Variants in EYS observed in about 807,000 individuals in gnomAD.
EYS encodes the protein EGF-like photoreceptor maintenance factor.
Under a neutral mutation model 282.1 loss-of-function variants are expected in EYS, and 250 were observed. That is an observed-to-expected ratio of 0.89 (90% CI 0.80 to 0.98). The LOEUF (loss-of-function observed/expected upper bound fraction) is 0.98, where lower values mean the gene tolerates loss of function less well. Ranked by LOEUF, EYS falls within the 50% of genes least tolerant of loss-of-function variation. The pLI, the probability that EYS is intolerant of heterozygous loss-of-function variation, is 0.00. For missense variants in EYS, 4,016 were observed against 3,709.0 expected, an observed-to-expected ratio of 1.08 and a Z score of -2.15; for synonymous variants, 1,355 against 1,282.9, an observed-to-expected ratio of 1.06 and a Z score of -1.20.
At chr6:63,990,065 C>T (rs1200087998) in intron 34 of EYS, among the ~76,000 whole-genome samples, 1 of 151,388 alleles carries the variant, frequency 6.6e-6, no homozygotes, top group East Asian at 1.9e-4. Context: ...AACTGAGTTG[C>T]TACTTTGTGA....
At chr6:65,172,725 A>G (rs1314861818) in intron 12 of EYS, among the ~76,000 whole-genome samples, 1 of 151,390 alleles carries the variant, frequency 6.6e-6, no homozygotes, top group Admixed American at 6.6e-5. Flanking sequence ...AAACTTGTTT[A>G]GGAAAAATGA....
chr6:65,168,939 T>G (rs902900918), intron 12 of EYS, among the ~76,000 whole-genome samples: 4 of 151,334 alleles, frequency 2.6e-5, no homozygotes, highest in African/African-American at 9.7e-5. Context: ...TTACATTGCT[T>G]TGGTGAAAAT....
intron 11 of EYS, among the ~76,000 whole-genome samples, chr6:65,302,129 A>T (rs1380176796): frequency 6.6e-6 from 1 of 152,220 alleles, no homozygotes; most frequent in Non-Finnish European, 1.5e-5. Flanking sequence ...GAGATAACTA[A>T]CCCTAGCTGT....
At chr6:65,042,601 A>T (rs1772972374) in intron 13 of EYS, among the ~76,000 whole-genome samples, 1 of 151,420 alleles carries the variant, frequency 6.6e-6, no homozygotes, top group Non-Finnish European at 1.5e-5. Flanking sequence ...GTATGGTTCA[A>T]TTTATCACAT....
chr6:64,555,221 A>G (rs1406729372), intron 26 of EYS, among the ~76,000 whole-genome samples: 1 of 151,938 alleles, frequency 6.6e-6, no homozygotes, highest in Non-Finnish European at 1.5e-5. Context: ...TATTTCCTAC[A>G]ACATGGATGA....
chr6:64,355,480 T>C (rs1045459414), intron 29 of EYS, among the ~76,000 whole-genome samples: 6 of 151,630 alleles, frequency 4.0e-5, no homozygotes, highest in African/African-American at 1.2e-4. Context: ...AAAGAATCAT[T>C]GTGTGGGTAT....
intron 31 of EYS, among the ~76,000 whole-genome samples, chr6:64,124,510 G>A (rs1037437421): frequency 3.6e-4 from 55 of 152,174 alleles, no homozygotes; most frequent in African/African-American, 1.3e-3. Flanking sequence ...CATTTCTACA[G>A]GCCGGAATTT....
intron 22 of EYS, among the ~76,000 whole-genome samples, chr6:64,775,665 A>C (rs1357776954): frequency 2.6e-5 from 4 of 152,010 alleles, no homozygotes; most frequent in Non-Finnish European, 5.9e-5. Context: ...TACCTATAGC[A>C]GTTGGAAGTC....
intron 28 of EYS, among the ~76,000 whole-genome samples, chr6:64,413,965 A>G (rs1256682169): frequency 6.6e-6 from 1 of 152,170 alleles, no homozygotes; most frequent in Non-Finnish European, 1.5e-5. Flanking sequence ...TAAGGACACT[A>G]TGAGAAGGCG....
intron 36 of EYS, among the ~76,000 whole-genome samples, chr6:63,810,286 A>C: frequency 6.7e-6 from 1 of 148,594 alleles, no homozygotes. Context: ...ACAAAAAACC[A>C]AAACAAAGAC....
rs145677131 is a variant in EYS, at chr6:64,438,712, A to C, written c.5835+450T>G. On this transcript the variant is annotated intron_variant, in intron 27 of 42. Coordinates refer to ENST00000503581, the MANE Select transcript of EYS (RefSeq NM_001142800.2). ...TGTACCGTTTGAAATATTAATATCT[A>C]AATATATATAAACTGATCTATCAGT... Among the ~76,000 whole-genome samples the C allele has an allele frequency of 8.7e-3, 1,315 of 151,798 alleles. 26 individuals are homozygous for C. The highest frequency in any genetic ancestry group is 0.029 in the African/African-American group (1,205 of 41,514).
intron 19 of EYS, among the ~76,000 whole-genome samples, chr6:64,823,608 T>C (rs953387239): frequency 2.0e-5 from 3 of 152,120 alleles, no homozygotes; most frequent in African/African-American, 7.2e-5. Context: ...GACTGAGCAC[T>C]TATAGGTGTG....
At chr6:64,070,147 G>A (rs970830098) in intron 32 of EYS, among the ~76,000 whole-genome samples, 4 of 151,986 alleles carry the variant, frequency 2.6e-5, no homozygotes, top group Admixed American at 6.6e-5. Flanking sequence ...ATGGCAGTTC[G>A]TTAAAGTTTA....
At chr6:63,865,615 T>C (rs919292829) in intron 35 of EYS, among the ~76,000 whole-genome samples, 3 of 152,200 alleles carry the variant, frequency 2.0e-5, no homozygotes, top group Non-Finnish European at 4.4e-5. Flanking sequence ...CATATTTTTA[T>C]GTTTTTATGA....
chr6:65,295,653 G>A (rs1768639599), intron 12 of EYS: 2 of 559,158 alleles, frequency 3.6e-6, no homozygotes, highest in East Asian at 6.1e-5. Flanking sequence ...TTATTTGCAT[G>A]AGCAAGGCTG....
At chr6:65,526,562 T>G (rs2127302979) in intron 2 of EYS, among the ~76,000 whole-genome samples, 1 of 152,252 alleles carries the variant, frequency 6.6e-6, no homozygotes, top group Non-Finnish European at 1.5e-5. Context: ...TCCCTGCGCT[T>G]TGGGAGGCCG....
At chr6:64,143,989 A>G (rs1774431211) in intron 31 of EYS, among the ~76,000 whole-genome samples, 1 of 152,162 alleles carries the variant, frequency 6.6e-6, no homozygotes, top group East Asian at 1.9e-4. Context: ...TATCTCATCT[A>G]ACATCAAAAG....
chr6:64,306,864 A>C (rs1431669429), intron 30 of EYS, 106 bp downstream of exon 30: 2 of 663,202 alleles, frequency 3.0e-6, no homozygotes, highest in African/African-American at 3.7e-5. Context: ...AAAAACAAAG[A>C]AACGAAATAT....
chr6:65,258,626 T>TA lies in EYS; in HGVS notation c.2023+37236dup. Among the ~76,000 whole-genome samples, 4 of 152,106 alleles carry TA rather than the reference T, an allele frequency of 2.6e-5. No homozygotes were observed. In the South Asian group the frequency reaches 8.3e-4, roughly 32 times the overall value. On this transcript the variant is annotated intron_variant, in intron 12 of 42. Transcript: ENST00000503581. The stretch of plus-strand genomic sequence containing the variant: ...CTTTCTTGCATTGGTTAAAAACTAA[T>TA]AAAACTCCTATCAGACATTATGAGA...
Sources: allele counts gnomAD v4.1 joint callset (sites outside exome capture counted in the v4.1 genomes callset), GRCh38; gene constraint gnomAD v4.1.1; transcripts MANE v1.5; gene names NCBI Gene and HGNC (gene_info 2026-07-23, HGNC 2026-07-21).